Variants in TENM1 observed in about 807,000 individuals in gnomAD.
TENM1 encodes teneurin-1.
TENM1 carries 35 observed loss-of-function variants against 174.8 expected under a neutral mutation model. The ratio of observed to expected loss-of-function variants is 0.20; its 90% CI spans 0.15 to 0.27. The LOEUF is 0.27. TENM1 is among the 10% of genes least tolerant of loss of function. The pLI is 1.00. For synonymous variants in TENM1, 781 were observed against 798.7 expected (o/e 0.98, Z 0.37); for missense variants, 1,633 against 2,130.1 (o/e 0.77, Z 4.59).
At chrX:124,845,333 T>G (rs942742219) in intron 3 of TENM1, among the ~76,000 whole-genome samples, 7 of 111,332 alleles carry the variant, frequency 6.3e-5, no homozygotes, top group Non-Finnish European at 1.1e-4. Flanking sequence ...AAATCCCGAC[T>G]TTGATTCAGT....
At chrX:125,064,664 T>C in the TENM1 span, among the ~76,000 whole-genome samples, 3 of 111,503 alleles carry the variant, frequency 2.7e-5, no homozygotes, top group African/African-American at 9.8e-5. Context: ...GCCAACACCA[T>C]AGACATCTTT....
At chrX:124,431,118 C>T (rs910356328) in intron 23 of TENM1, among the ~76,000 whole-genome samples, 1 of 112,130 alleles carries the variant, frequency 8.9e-6, no homozygotes, top group African/African-American at 3.2e-5. Context: ...TAGACTATTT[C>T]TGTTCCAGTT....
chrX:125,179,296 C>T, the TENM1 span, among the ~76,000 whole-genome samples: 1 of 110,426 alleles, frequency 9.1e-6, no homozygotes, highest in African/African-American at 3.3e-5. Context: ...TCAAGCTGCC[C>T]AGAAGAAAGC....
chrX:124,901,387 G>T (rs1403253622), intron 1 of TENM1, among the ~76,000 whole-genome samples: 1 of 111,821 alleles, frequency 8.9e-6, no homozygotes, highest in African/African-American at 3.3e-5. Flanking sequence ...ATCATCAGGT[G>T]TTCAGCCTAA....
intron 25 of TENM1, among the ~76,000 whole-genome samples, chrX:124,418,733 A>G (rs1476539623): frequency 8.9e-6 from 1 of 112,387 alleles, no homozygotes; most frequent in Non-Finnish European, 1.9e-5. Flanking sequence ...TTAATACTTC[A>G]GCCATCTCTT....
At chrX:124,672,149 A>AT (rs1484993431) in intron 5 of TENM1, among the ~76,000 whole-genome samples, 1 of 111,310 alleles carries the variant, frequency 9.0e-6, no homozygotes, top group African/African-American at 3.3e-5. Flanking sequence ...TTCCTTTTCC[A>AT]TTCCCCTTAG....
chrX:124,960,766 C>A (rs1475110423), intron 1 of TENM1, among the ~76,000 whole-genome samples: 1 of 112,076 alleles, frequency 8.9e-6, no homozygotes, highest in East Asian at 2.8e-4. Flanking sequence ...CCATAAATCA[C>A]AATTGTAAAT....
At chrX:125,099,730 A>G in the TENM1 span, among the ~76,000 whole-genome samples, 7,883 of 111,678 alleles carry the variant, frequency 0.071, 215 homozygotes, top group Middle Eastern at 0.16. Context: ...ATGAATTCTG[A>G]CATAAAATAA....
intron 22 of TENM1, among the ~76,000 whole-genome samples, chrX:124,466,852 A>G (rs2061246263): frequency 8.9e-6 from 1 of 111,803 alleles, no homozygotes; most frequent in South Asian, 3.7e-4. Context: ...TCAAGAGAAC[A>G]CAGAGAAAGG....
At chrX:125,085,961 T>C in the TENM1 span, among the ~76,000 whole-genome samples, 1 of 111,103 alleles carries the variant, frequency 9.0e-6, no homozygotes, top group African/African-American at 3.3e-5. Flanking sequence ...TATTTGTTTC[T>C]ATTCTTAAAC....
chrX:125,048,590 G>T, the TENM1 span, among the ~76,000 whole-genome samples: 1 of 111,404 alleles, frequency 9.0e-6, no homozygotes, highest in South Asian at 3.8e-4. Flanking sequence ...GTACTGGGCG[G>T]ATGAGGGAGT....
chrX:124,817,498 T>C (rs1442962045), intron 3 of TENM1, among the ~76,000 whole-genome samples: 1 of 112,189 alleles, frequency 8.9e-6, no homozygotes. Context: ...CTCACAGTAG[T>C]GGCAGCAGCT....
At chrX:124,663,635 T>C (rs776221901) in intron 6 of TENM1, among the ~76,000 whole-genome samples, 20 of 111,696 alleles carry the variant, frequency 1.8e-4, no homozygotes, top group Non-Finnish European at 3.6e-4. Context: ...TCCAGGAGGA[T>C]AAACATGGCA....
At chrX:124,951,161 TAA>T (rs750085136) in intron 1 of TENM1, among the ~76,000 whole-genome samples, 2 of 111,478 alleles carry the variant, frequency 1.8e-5, no homozygotes, top group East Asian at 5.7e-4. Flanking sequence ...CCACAATTAA[TAA>T]AAAAAACCAC....
exon 32 of TENM1, chrX:124,380,734 A>G (rs778061450): frequency 1.7e-6 from 2 of 1,210,815 alleles, no homozygotes; most frequent in Non-Finnish European, 1.1e-6. Flanking sequence ...TTTGTTCCTT[A>G]GTCCAGGCCT....
intron 18 of TENM1, among the ~76,000 whole-genome samples, chrX:124,504,437 TGA>T (rs1224863848): frequency 1.1e-4 from 12 of 112,023 alleles, no homozygotes; most frequent in African/African-American, 3.6e-4. Flanking sequence ...TGTGGTAGCT[TGA>T]GAGTCTTTGC....
the TENM1 span, among the ~76,000 whole-genome samples, chrX:125,057,069 G>A: frequency 5.6e-4 from 62 of 111,462 alleles, no homozygotes; most frequent in African/African-American, 1.8e-3. Flanking sequence ...AATTTTTAAC[G>A]AAGACAGTAT....
chrX:125,087,753 G>A, the TENM1 span, among the ~76,000 whole-genome samples: 4 of 110,543 alleles, frequency 3.6e-5, no homozygotes, highest in Admixed American at 9.6e-5. Context: ...GGAACAATTC[G>A]AGAAACAAAA....
intron 3 of TENM1, among the ~76,000 whole-genome samples, chrX:124,831,410 C>A (rs978803916): frequency 1.8e-5 from 2 of 111,819 alleles, no homozygotes; most frequent in Non-Finnish European, 3.8e-5. Flanking sequence ...GAAGCGGCTT[C>A]TTTTTCATTA....
Sources: gnomAD v4.1 joint callset for allele counts (sites outside exome capture counted in the v4.1 genomes callset) on GRCh38, gnomAD v4.1.1 for gene constraint, MANE v1.5 for transcripts, NCBI Gene and HGNC (gene_info 2026-07-23, HGNC 2026-07-21) for gene names.